FAM184B: variants seen among roughly 807,000 people sequenced by gnomAD.
The protein encoded by FAM184B is family with sequence similarity 184 member B, also known as protein FAM184B.
A neutral mutation model predicts 135.9 loss-of-function variants in FAM184B; 111 were observed. The observed-to-expected ratio is 0.82, with a 90% confidence interval of 0.70 to 0.96. The LOEUF (loss-of-function observed/expected upper bound fraction) is 0.96. Among genes scored for constraint, FAM184B ranks in the 40% least tolerant of loss-of-function variants. The pLI is 0.00. For missense variants in FAM184B, 1,375 were observed against 1,323.9 expected, an observed-to-expected ratio of 1.04 and a Z score of -0.60; for synonymous variants, 552 against 524.8, an observed-to-expected ratio of 1.05 and a Z score of -0.71.
chr4:17,685,676 T>C (rs1050877097), intron 7 of FAM184B, among the ~76,000 whole-genome samples: 6 of 152,002 alleles, frequency 3.9e-5, no homozygotes, highest in Non-Finnish European at 4.4e-5. Flanking sequence ...CAGAGGTGGT[T>C]CTCAACTGGG....
chr4:17,652,729 G>C, intron 11 of FAM184B, 101 bp downstream of exon 11: 1 of 1,364,676 alleles, frequency 7.3e-7, no homozygotes, highest in Non-Finnish European at 9.8e-7. Flanking sequence ...TGGCCTGTGA[G>C]CCCGAGAACC....
At chr4:17,677,385 A>G (rs924583130) in intron 7 of FAM184B, among the ~76,000 whole-genome samples, 2 of 152,198 alleles carry the variant, frequency 1.3e-5, no homozygotes, top group African/African-American at 2.4e-5. Context: ...ACTTGTTTCA[A>G]TTGCTATTAT....
intron 1 of FAM184B, among the ~76,000 whole-genome samples, chr4:17,740,798 G>A (rs1449807055): frequency 6.6e-6 from 1 of 152,216 alleles, no homozygotes; most frequent in Non-Finnish European, 1.5e-5. Context: ...AAAGCCTCAT[G>A]GGAGACTTAT....
In FAM184B at chr4:17,633,807, C is replaced by G; in HGVS notation, c.2971G>C (p.Asp991His). 1.9e-6 allele frequency: 3 copies of G among 1,551,570 alleles called. No individual in the cohort carries two copies. Among genetic ancestry groups the G allele is most frequent in the South Asian group, 1.2e-5 (1 of 84,038 alleles). Residue 991 changes from aspartate to histidine, a missense_variant, in exon 17 of 18, where the codon GAT becomes CAT. Transcript: ENST00000265018. The stretch of plus-strand genomic sequence containing the variant: ...GGGGCATTAATCCTGGAACTCAGAT[C>G]GCCACTCAGAAAGTTCTTTGCATAG... ...ASYAKNFLSG[D>H]LSSRINAPPI...
intron 8 of FAM184B, among the ~76,000 whole-genome samples, chr4:17,661,767 C>T (rs1008539549): frequency 9.2e-5 from 14 of 152,156 alleles, no homozygotes; most frequent in East Asian, 1.9e-4. Flanking sequence ...GGAGCAGCCT[C>T]GGTCAAGAGT....
chr4:17,681,074 A>G (rs1044181399), intron 7 of FAM184B, among the ~76,000 whole-genome samples: 1 of 152,224 alleles, frequency 6.6e-6, no homozygotes, highest in Non-Finnish European at 1.5e-5. Flanking sequence ...AAGTGACTTC[A>G]TATGCTTTCT....
chr4:17,654,990 C>G (rs1715748834), intron 10 of FAM184B, among the ~76,000 whole-genome samples: 1 of 152,098 alleles, frequency 6.6e-6, no homozygotes, highest in Non-Finnish European at 1.5e-5. Context: ...TAGCTGAGAC[C>G]ACAGATGCTC....
At chr4:17,723,553 G>T (rs1416443082) in intron 1 of FAM184B, among the ~76,000 whole-genome samples, 1 of 152,168 alleles carries the variant, frequency 6.6e-6, no homozygotes, top group Non-Finnish European at 1.5e-5. Context: ...CATCAGAAAT[G>T]GAAGGGCCAC....
At chr4:17,652,726 T>G in intron 11 of FAM184B, 104 bp downstream of exon 11, 4 of 1,346,056 alleles carry the variant, frequency 3.0e-6, no homozygotes, top group Non-Finnish European at 4.0e-6. Flanking sequence ...CCGTGGCCTG[T>G]GAGCCCGAGA....
At chr4:17,698,463 T>C (rs1485308259) in intron 5 of FAM184B, among the ~76,000 whole-genome samples, 1 of 152,212 alleles carries the variant, frequency 6.6e-6, no homozygotes, top group African/African-American at 2.4e-5. Flanking sequence ...AGATTTCAGT[T>C]GGCGTATTAC....
chr4:17,692,288 C>A (rs543204181), intron 6 of FAM184B, among the ~76,000 whole-genome samples: 62 of 152,240 alleles, frequency 4.1e-4, no homozygotes, highest in African/African-American at 1.3e-3. Flanking sequence ...CTTTGCTGTG[C>A]AGCCCCACCT....
In FAM184B at chr4:17,636,651, C is replaced by G. The variant is rs1370119608; in HGVS notation, c.2667-6G>C. 4 of 1,543,992 alleles carry G rather than the reference C, an allele frequency of 2.6e-6. No individual in the cohort carries two copies. Among genetic ancestry groups the G allele is most frequent in the Middle Eastern group, 1.7e-4 (1 of 5,948 alleles). On this transcript the variant is annotated splice_polypyrimidine_tract_variant and splice_region_variant and intron_variant, in intron 14 of 17. Transcript: ENST00000265018. ...TCTCTCCGGAATCTTTCAGTCTGTT[C>G]CAAGCAGGCATGCAGTCAAGTCCCC...
intron 1 of FAM184B, among the ~76,000 whole-genome samples, chr4:17,727,881 G>A (rs955633368): frequency 1.3e-5 from 2 of 152,124 alleles, no homozygotes; most frequent in African/African-American, 2.4e-5. Context: ...AAGTGACAAA[G>A]GGTCAAATAA....
At position 17,709,278 on chromosome 4, in the gene FAM184B, C is replaced by G. The variant is rs765103892; in HGVS notation, c.508G>C (p.Ala170Pro). ...TGGGGCAGCCGGCCCTGCGGGGTAG[C>G]CTCGTGGCTCGTCAGGTGCTGGAGC... ...RRLQHLTSHE[A>P]TPQGRLPQES... The change falls in exon 2 of 18, where the codon GCT becomes CCT. Residue 170 changes from alanine to proline, a missense_variant. Physicochemically the swap from Ala to Pro is conservative, Grantham distance 27. Coordinates refer to ENST00000265018, the MANE Select transcript of FAM184B (RefSeq NM_015688.2). 1 of 1,547,928 alleles carries G rather than the reference C, an allele frequency of 6.5e-7. No individual in the cohort carries two copies. Among genetic ancestry groups the G allele is most frequent in the African/African-American group, 1.4e-5 (1 of 73,014 alleles).
intron 1 of FAM184B, among the ~76,000 whole-genome samples, chr4:17,713,823 C>T (rs1264307606): frequency 3.3e-5 from 5 of 152,166 alleles, no homozygotes; most frequent in African/African-American, 1.2e-4. Flanking sequence ...ACTGGGGTTA[C>T]CTGCTGGCCA....
At chr4:17,766,458 G>A (rs956658345) in intron 1 of FAM184B, among the ~76,000 whole-genome samples, 1 of 152,150 alleles carries the variant, frequency 6.6e-6, no homozygotes, top group African/African-American at 2.4e-5. Context: ...GCTAGATACA[G>A]AGTGCTGATT....
intron 7 of FAM184B, among the ~76,000 whole-genome samples, chr4:17,684,203 A>T (rs28750296): frequency 0.53 from 76,691 of 144,652 alleles, 22,283 homozygotes; most frequent in East Asian, 0.82. Flanking sequence ...TAGTTATATA[A>T]AAAATAATAA....
At position 17,653,081 on chromosome 4, in the gene FAM184B, C is replaced by T. The variant is rs530509246; in HGVS notation, c.2038-98G>A. ...CTCTTCTGAGCCAGGATGCTCTGAA[C>T]ACTCGCACTCTCCCATGGAGGGCTT... is the stretch of plus-strand genomic sequence containing the variant. On this transcript the variant is annotated intron_variant, in intron 10 of 17. Coordinates refer to ENST00000265018, the MANE Select transcript of FAM184B (RefSeq NM_015688.2). The T allele has an allele frequency of 2.6e-4, 296 of 1,139,740 alleles. 2 individuals are homozygous for T. The African/African-American group carries it at 3.7e-3, about 14-fold the overall frequency. The allele number at this position is 1,139,740 out of a possible 1,614,324, so 70.6% of individuals were successfully genotyped here.
Position 17,638,134 on chromosome 4 carries a change from C to CTTTT in FAM184B, c.2666+1112_2666+1115dup, listed in dbSNP as rs56926847. Among the ~76,000 whole-genome samples, 75 of 73,390 alleles carry CTTTT rather than the reference C, an allele frequency of 1.0e-3. 2 individuals carry two copies. Among genetic ancestry groups the CTTTT allele is most frequent in the Non-Finnish European group, 1.6e-3 (60 of 37,300 alleles). 48.1% of individuals were successfully genotyped at this position (73,390 alleles called of 152,430 possible). A position where few individuals can be genotyped will look rare whatever the true frequency, so the allele number is the denominator to read the frequency against. ...CGCCTGGTATGATGTTAACTGTTTG[C>CTTTT]TTTTTTTTTTTTTTTTTTTTTTTTT... is the stretch of plus-strand genomic sequence containing the variant. On this transcript the variant is annotated intron_variant, in intron 14 of 17. Coordinates refer to ENST00000265018, the MANE Select transcript of FAM184B (RefSeq NM_015688.2).
Sources: allele counts gnomAD v4.1 joint callset (sites outside exome capture counted in the v4.1 genomes callset), GRCh38; gene constraint gnomAD v4.1.1; transcripts MANE v1.5; gene names NCBI Gene and HGNC (gene_info 2026-07-23, HGNC 2026-07-21).